RAB3B: variants seen among roughly 807,000 people sequenced by gnomAD.
The protein encoded by RAB3B is ras-related protein Rab-3B.
In RAB3B, 11 loss-of-function variants were observed where a neutral mutation model predicts 20.5. The ratio of observed to expected loss-of-function variants is 0.54; its 90% CI spans 0.34 to 0.89. The LOEUF is 0.89. Ranked by LOEUF, RAB3B falls within the 40% of genes least tolerant of loss-of-function variation. RAB3B has a pLI of 0.02. For synonymous variants in RAB3B, 99 were observed against 106.3 expected, an observed-to-expected ratio of 0.93 and a Z score of 0.42; for missense variants, 225 against 280.9, an observed-to-expected ratio of 0.80 and a Z score of 1.42.
At chr1:51,983,277 G>A (rs972419255) in intron 1 of RAB3B, among the ~76,000 whole-genome samples, 3 of 151,872 alleles carry the variant, frequency 2.0e-5, no homozygotes, top group African/African-American at 4.8e-5. Flanking sequence ...AGCTGAGATT[G>A]CACCACTGCA....
At chr1:51,947,957 G>C (rs974811690) in intron 2 of RAB3B, among the ~76,000 whole-genome samples, 1 of 151,708 alleles carries the variant, frequency 6.6e-6, no homozygotes, top group African/African-American at 2.4e-5. Context: ...TCTTCCTTTC[G>C]TTGAGCTGAA....
intron 1 of RAB3B, among the ~76,000 whole-genome samples, chr1:51,986,929 G>A (rs1412289648): frequency 2.0e-5 from 3 of 152,250 alleles, no homozygotes; most frequent in African/African-American, 7.2e-5. Flanking sequence ...AGTGGTGCAT[G>A]CAGAATTGCA....
At chr1:51,947,161 C>T (rs942009591) in intron 2 of RAB3B, among the ~76,000 whole-genome samples, 5 of 152,016 alleles carry the variant, frequency 3.3e-5, no homozygotes, top group Admixed American at 2.0e-4. Flanking sequence ...TTTGGGAGGC[C>T]GAGGCAGACG....
chr1:51,925,354 T>C (rs571674355), intron 4 of RAB3B, among the ~76,000 whole-genome samples: 2 of 152,368 alleles, frequency 1.3e-5, no homozygotes, highest in East Asian at 3.9e-4. Context: ...ATGTGGACAA[T>C]CCATCCGGCA....
chr1:51,938,469 T>A (rs6698110), intron 2 of RAB3B, among the ~76,000 whole-genome samples: 1 of 151,860 alleles, frequency 6.6e-6, no homozygotes. Context: ...TATTCAACAA[T>A]AGGAGAATGG....
In RAB3B at chr1:51,926,190, T is replaced by C. The variant is rs745391574; in HGVS notation, c.473-6076A>G. On this transcript the variant is annotated intron_variant, in intron 4 of 4. Coordinates refer to ENST00000371655, the MANE Select transcript of RAB3B (RefSeq NM_002867.4). The stretch of plus-strand genomic sequence containing the variant: ...AGTAGGATGAGGACTGGCATAGCCA[T>C]CGACCCAAAGAAGGTTATAATTATC... Among the ~76,000 whole-genome samples the C allele has an allele frequency of 2.6e-5, 4 of 152,190 alleles. No homozygotes were observed. In the South Asian group the frequency reaches 8.3e-4, roughly 31 times the overall value.
At chr1:51,982,623 C>T (rs986130018) in intron 1 of RAB3B, among the ~76,000 whole-genome samples, 7 of 151,736 alleles carry the variant, frequency 4.6e-5, no homozygotes, top group South Asian at 2.1e-4. Context: ...CGTGGTGGTG[C>T]GCACCTGTAA....
intron 2 of RAB3B, among the ~76,000 whole-genome samples, chr1:51,974,502 GCTT>G (rs1472492671): frequency 2.0e-5 from 3 of 152,226 alleles, no homozygotes; most frequent in Non-Finnish European, 4.4e-5. Flanking sequence ...GACCCGTATA[GCTT>G]CTTCTATTTC....
intron 4 of RAB3B, 141 bp downstream of exon 4, chr1:51,933,177 A>G (rs918642943): frequency 3.4e-6 from 3 of 879,094 alleles, no homozygotes. Context: ...ATATAAAACA[A>G]TACACACAGA....
rs1347631779 is a variant in RAB3B at position 51,937,414 on chromosome 1, T to C, written c.229-2A>G. On this transcript the variant is annotated splice_acceptor_variant, in intron 2 of 4. Coordinates refer to ENST00000371655, the MANE Select transcript of RAB3B (RefSeq NM_002867.4). LOFTEE classifies it high-confidence loss of function. ...GTACCGCTCCTGCCCAGCTGTGTCC[T>C]GGGCAGGAAAAGAAAAGAAACAATC... 1 of 1,564,072 alleles carries C rather than the reference T, an allele frequency of 6.4e-7. No homozygotes were observed. Among genetic ancestry groups the C allele is most frequent in the East Asian group, 2.3e-5 (1 of 43,976 alleles).
intron 2 of RAB3B, among the ~76,000 whole-genome samples, chr1:51,965,697 A>G (rs1358641314): frequency 1.3e-5 from 2 of 152,170 alleles, no homozygotes; most frequent in African/African-American, 2.4e-5. Flanking sequence ...ATGTCAATTG[A>G]AAAAATATTA....
intron 2 of RAB3B, among the ~76,000 whole-genome samples, chr1:51,976,681 A>ATAGT (rs1291521537): frequency 6.6e-6 from 1 of 152,192 alleles, no homozygotes; most frequent in Non-Finnish European, 1.5e-5. Flanking sequence ...AACCTCCTGG[A>ATAGT]TAGTTAAACA....
chr1:51,980,974 C>T (rs1022909115), intron 1 of RAB3B, among the ~76,000 whole-genome samples: 1 of 152,064 alleles, frequency 6.6e-6, no homozygotes, highest in African/African-American at 2.4e-5. Flanking sequence ...TCAAGCATAT[C>T]CTATTTGCAA....
chr1:51,938,306 A>G (rs1009966173), intron 2 of RAB3B, among the ~76,000 whole-genome samples: 8 of 151,780 alleles, frequency 5.3e-5, no homozygotes, highest in Non-Finnish European at 8.8e-5. Flanking sequence ...AAATGTTCAT[A>G]CTCTTTGACC....
chr1:51,976,834 T>A, intron 2 of RAB3B, 56 bp downstream of exon 2: 1 of 1,507,402 alleles, frequency 6.6e-7, no homozygotes. Flanking sequence ...TAAGCCCTTG[T>A]ACTGGCAGGC....
At position 51,933,539 on chromosome 1, in the gene RAB3B, A is replaced by G. The variant is rs139748615; in HGVS notation, c.348-97T>C. 1.4e-5 allele frequency: 16 copies of G among 1,168,970 alleles called. No homozygotes were observed. The African/African-American group carries it at 2.2e-4, about 16-fold the overall frequency. The allele number at this position is 1,168,970 out of a possible 1,614,324, so 72.4% of individuals were successfully genotyped here. On this transcript the variant is annotated intron_variant, in intron 3 of 4. Coordinates refer to ENST00000371655, the MANE Select transcript of RAB3B (RefSeq NM_002867.4). ...TTTACATGTTGAAGCCTAATCCCCA[A>G]TGTAATGGTATTTGGAGGTGGAGTC...
rs947642435 is a variant in RAB3B at position 51,908,605 on chromosome 1, TCTC to T, written c.*11319_*11321del. The T allele has an allele frequency of 6.6e-6, 1 of 151,714 alleles. No individual in the cohort carries two copies. The highest frequency in any genetic ancestry group is 1.5e-5 in the Non-Finnish European group (1 of 67,998). 9.4% of individuals were successfully genotyped at this position (151,714 alleles called of 1,614,324 possible). ...ACAACAATGTGTTCCTTTCCTTCCT[TCTC>T]TCCCACAAGCAGAGGAAGTCATACG... On this transcript the variant is annotated 3_prime_UTR_variant, in exon 5 of 5. Transcript: ENST00000371655.
intron 1 of RAB3B, among the ~76,000 whole-genome samples, chr1:51,977,738 G>C (rs190330998): frequency 3.9e-5 from 6 of 152,264 alleles, no homozygotes; most frequent in Non-Finnish European, 5.9e-5. Context: ...GGAGTTCGAC[G>C]CTGCAGGGAG....
rs1309527648 is a variant in RAB3B, at chr1:51,918,750, A to T, written c.*1177T>A. 6.6e-6 allele frequency: 1 copy of T among 152,224 alleles called. No individual in the cohort carries two copies. Among genetic ancestry groups the T allele is most frequent in the Non-Finnish European group, 1.5e-5 (1 of 68,046 alleles). 9.4% of individuals were successfully genotyped at this position (152,224 alleles called of 1,614,324 possible). Reference sequence around the variant, plus strand: ...CTAGGTAAATTTGGGCATCCCGTCAAATCTAAAATCCTCAGGTTCTAGGAG... The same window carrying T: ...CTAGGTAAATTTGGGCATCCCGTCATATCTAAAATCCTCAGGTTCTAGGAG... On this transcript the variant is annotated 3_prime_UTR_variant, in exon 5 of 5. Coordinates refer to ENST00000371655, the MANE Select transcript of RAB3B (RefSeq NM_002867.4).
Sources: allele counts gnomAD v4.1 joint callset (sites outside exome capture counted in the v4.1 genomes callset), GRCh38; gene constraint gnomAD v4.1.1; transcripts MANE v1.5; gene names NCBI Gene and HGNC (gene_info 2026-07-23, HGNC 2026-07-21).